Variants in RALGPS1 observed in about 807,000 individuals in gnomAD.
RALGPS1 encodes Ral GEF with PH domain and SH3 binding motif 1.
Under a neutral mutation model 78.8 loss-of-function variants are expected in RALGPS1, and 19 were observed. The ratio of observed to expected loss-of-function variants is 0.24; its 90% confidence interval spans 0.17 to 0.35. The LOEUF is 0.35. RALGPS1 is among the 10% of genes least tolerant of loss of function. RALGPS1 has a pLI of 1.00. For synonymous variants in RALGPS1, 228 were observed against 256.3 expected, an observed-to-expected ratio of 0.89 and a Z score of 1.06; for missense variants, 454 against 688.3, an observed-to-expected ratio of 0.66 and a Z score of 3.81.
chr9:126,949,220 C>T (rs1474100430), intron 1 of RALGPS1, among the ~76,000 whole-genome samples: 2 of 152,182 alleles, frequency 1.3e-5, no homozygotes, highest in Admixed American at 1.3e-4. Context: ...CATTGTTGGA[C>T]ATTTGGGTTG....
chr9:127,015,782 C>G (rs1445188828), intron 4 of RALGPS1, among the ~76,000 whole-genome samples: 1 of 152,014 alleles, frequency 6.6e-6, no homozygotes, highest in Non-Finnish European at 1.5e-5. Context: ...CCCATTTGTT[C>G]CCCTCTTCTC....
At chr9:126,943,614 C>T (rs115298716) in intron 1 of RALGPS1, among the ~76,000 whole-genome samples, 168 of 152,280 alleles carry the variant, frequency 1.1e-3, no homozygotes, top group African/African-American at 3.8e-3. Context: ...CAGTGCTCTC[C>T]GTGGAATGTG....
intron 8 of RALGPS1, among the ~76,000 whole-genome samples, chr9:127,077,717 C>T (rs1413966189): frequency 2.6e-5 from 4 of 152,216 alleles, no homozygotes; most frequent in Non-Finnish European, 5.9e-5. Context: ...CCCCTCCCCA[C>T]GTTTCCAAGG....
chr9:127,106,381 T>C lies in RALGPS1; in HGVS notation c.610+37025T>C, dbSNP rs76888482. The stretch of plus-strand genomic sequence containing the variant: ...CGCCAGAGCTAAAAAAGGGACTGTT[T>C]ATTTCAGTCTCCTTGTTTTAAGATG... On this transcript the variant is annotated intron_variant, in intron 8 of 18. Coordinates refer to ENST00000259351, the MANE Select transcript of RALGPS1 (RefSeq NM_014636.3). Among the ~76,000 whole-genome samples the C allele has an allele frequency of 5.4e-3, 823 of 152,338 alleles. 25 individuals are homozygous for C. The East Asian group carries it at 0.085, about 16-fold the overall frequency.
intron 12 of RALGPS1, 144 bp downstream of exon 12, chr9:127,195,361 CA>C: frequency 8.4e-7 from 1 of 1,184,762 alleles, no homozygotes; most frequent in Admixed American, 2.6e-5. Context: ...GAATCCTGGC[CA>C]GTGCGCTTTC....
At chr9:126,943,371 G>C (rs1380810323) in intron 1 of RALGPS1, among the ~76,000 whole-genome samples, 1 of 152,128 alleles carries the variant, frequency 6.6e-6, no homozygotes, top group African/African-American at 2.4e-5. Flanking sequence ...GTGAACTCCT[G>C]ACCTCAAGTG....
intron 8 of RALGPS1, among the ~76,000 whole-genome samples, chr9:127,131,117 G>C (rs1024593138): frequency 1.3e-5 from 2 of 152,228 alleles, no homozygotes; most frequent in African/African-American, 4.8e-5. Flanking sequence ...ACTGTGGGCT[G>C]TGGGGGTGGA....
chr9:126,917,744 G>C (rs1318128637), intron 1 of RALGPS1, among the ~76,000 whole-genome samples: 1 of 152,216 alleles, frequency 6.6e-6, no homozygotes, highest in Non-Finnish European at 1.5e-5. Context: ...ACTCAGAACA[G>C]CATGTAACAT....
chr9:126,983,184 G>A (rs1480295051), intron 4 of RALGPS1, among the ~76,000 whole-genome samples: 3 of 151,760 alleles, frequency 2.0e-5, no homozygotes, highest in South Asian at 2.1e-4. Flanking sequence ...TGATCTGCCC[G>A]CCTCGGCCTC....
At chr9:127,082,997 G>T (rs1295543437) in intron 8 of RALGPS1, among the ~76,000 whole-genome samples, 1 of 152,302 alleles carries the variant, frequency 6.6e-6, no homozygotes, top group African/African-American at 2.4e-5. Context: ...GCTTAGAAGG[G>T]TTGGATGTGA....
At chr9:127,189,085 G>A (rs1268114272) in intron 11 of RALGPS1, among the ~76,000 whole-genome samples, 2 of 151,130 alleles carry the variant, frequency 1.3e-5, no homozygotes, top group Admixed American at 6.6e-5. Flanking sequence ...GACACACTGG[G>A]TGTCAGGAAC....
chr9:126,939,746 T>C (rs898006224), intron 1 of RALGPS1, among the ~76,000 whole-genome samples: 3 of 152,212 alleles, frequency 2.0e-5, no homozygotes, highest in African/African-American at 4.8e-5. Flanking sequence ...GGGATAGACA[T>C]GACCCTCGCT....
chr9:126,951,660 G>C (rs2037830349), intron 1 of RALGPS1, among the ~76,000 whole-genome samples: 1 of 152,094 alleles, frequency 6.6e-6, no homozygotes, highest in Non-Finnish European at 1.5e-5. Flanking sequence ...GTATTGATGG[G>C]ACGTATCTCA....
chr9:127,217,103 C>G, intron 18 of RALGPS1: 1 of 1,364,340 alleles, frequency 7.3e-7, no homozygotes, highest in Non-Finnish European at 9.5e-7. Context: ...GACAGCAGCC[C>G]CAGCAGGCAG....
At chr9:127,088,799 G>A (rs2136316529) in intron 8 of RALGPS1, 1 of 972,698 alleles carries the variant, frequency 1.0e-6, no homozygotes, top group Admixed American at 2.3e-5. Flanking sequence ...CCGCTGCAGT[G>A]ACTTCGGAAA....
intron 3 of RALGPS1, among the ~76,000 whole-genome samples, chr9:126,967,209 A>G (rs1428680655): frequency 6.6e-6 from 1 of 151,904 alleles, no homozygotes; most frequent in Non-Finnish European, 1.5e-5. Context: ...AAAACCTTCA[A>G]ACTCTCTAGT....
At chr9:127,066,090 A>G (rs952372065) in intron 7 of RALGPS1, among the ~76,000 whole-genome samples, 4 of 152,178 alleles carry the variant, frequency 2.6e-5, no homozygotes, top group African/African-American at 9.7e-5. Context: ...ATCAGCTCTG[A>G]GGTGCTGTCC....
Position 126,982,829 on chromosome 9 carries a change from C to CTCTTCTTCTTCCTCT in RALGPS1, c.216+5097_216+5098insCTTCTTCTTCTTCCT, listed in dbSNP as rs2041388584. ...CCTTCTTTCTTCCTCCTTCTTCTTC[C>CTCTTCTTCTTCCTCT]TCTTCTTCTTCCTTCTTTCTTCCTC... On this transcript the variant is annotated intron_variant, in intron 4 of 18. Coordinates refer to ENST00000259351, the MANE Select transcript of RALGPS1 (RefSeq NM_014636.3). Among the ~76,000 whole-genome samples, 4 of 144,534 alleles carry CTCTTCTTCTTCCTCT rather than the reference C, an allele frequency of 2.8e-5. No homozygotes were observed. The South Asian group carries it at 8.9e-4, about 32-fold the overall frequency. The allele number at this position is 144,534 out of a possible 152,430, so 94.8% of individuals were successfully genotyped here. A position where few individuals can be genotyped will look rare whatever the true frequency, so the allele number is the denominator to read the frequency against.
chr9:126,951,515 T>C (rs910040443), intron 1 of RALGPS1, among the ~76,000 whole-genome samples: 3 of 151,254 alleles, frequency 2.0e-5, no homozygotes, highest in Admixed American at 2.0e-4. Context: ...TGGTTCAATA[T>C]ATGCAAATCA....
Sources: allele counts gnomAD v4.1 joint callset (sites outside exome capture counted in the v4.1 genomes callset), GRCh38; gene constraint gnomAD v4.1.1; transcripts MANE v1.5; gene names NCBI Gene and HGNC (gene_info 2026-07-23, HGNC 2026-07-21).